Variants in G3BP1 observed in about 807,000 individuals in gnomAD.
The protein encoded by G3BP1 is G3BP stress granule assembly factor 1, also known as ras GTPase-activating protein-binding protein 1.
G3BP1 carries 35 observed loss-of-function variants against 58.6 expected under a neutral mutation model. The ratio of observed to expected loss-of-function variants is 0.60; its 90% CI spans 0.46 to 0.79. The LOEUF (loss-of-function observed/expected upper bound fraction) is 0.79. Ranked by LOEUF, G3BP1 falls within the 30% of genes least tolerant of loss-of-function variation. The pLI, the probability that G3BP1 is intolerant of heterozygous loss-of-function variation, is 0.00. For synonymous variants in G3BP1, 191 were observed against 195.4 expected (o/e 0.98, Z 0.19); for missense variants, 523 against 580.8 (o/e 0.90, Z 1.02).
chr5:151,786,546 CT>C, intron 1 of G3BP1, 25 bp from the exon 2 acceptor site: 1 of 930,610 alleles, frequency 1.1e-6, no homozygotes, highest in Non-Finnish European at 1.8e-6. Flanking sequence ...ATGATTCGGT[CT>C]TTTCCCCTGT....
intron 11 of G3BP1, 58 bp from the exon 12 acceptor site, chr5:151,803,827 T>G: frequency 8.7e-7 from 1 of 1,154,044 alleles, no homozygotes; most frequent in Non-Finnish European, 1.3e-6. Flanking sequence ...TTCTTTATCT[T>G]TGATAGTGAT....
intron 4 of G3BP1, among the ~76,000 whole-genome samples, chr5:151,793,275 A>C (rs1762691321): frequency 6.6e-6 from 1 of 151,912 alleles, no homozygotes; most frequent in South Asian, 2.1e-4. Flanking sequence ...TGCCTGTCTC[A>C]TTTTTGTATT....
At chr5:151,787,792 C>A in intron 2 of G3BP1, 1 of 267,182 alleles carries the variant, frequency 3.7e-6, no homozygotes. Flanking sequence ...ACATGATTAT[C>A]AGGTATAAAA....
In G3BP1 at chr5:151,809,041, G is replaced by A. The variant is rs1268384139; in HGVS notation, c.*4950G>A. 2 of 152,200 alleles carry A rather than the reference G, an allele frequency of 1.3e-5. No individual in the cohort carries two copies. The highest frequency in any genetic ancestry group is 2.9e-5 in the Non-Finnish European group (2 of 68,102). The allele number at this position is 152,200 out of a possible 1,614,324, so 9.4% of individuals were successfully genotyped here. On this transcript the variant is annotated 3_prime_UTR_variant, in exon 12 of 12. Coordinates refer to ENST00000356245, the MANE Select transcript of G3BP1 (RefSeq NM_005754.3). The stretch of plus-strand genomic sequence containing the variant: ...ATAATTGAAAAGTGAGCCAGATGTG[G>A]TGGCGCATTCCTATAGTCTCCGTCT...
In G3BP1 at chr5:151,805,592, T is replaced by G. The variant is rs2113257272; in HGVS notation, c.*1501T>G. 1 of 152,340 alleles carries G rather than the reference T, an allele frequency of 6.6e-6. No individual in the cohort carries two copies. Among genetic ancestry groups the G allele is most frequent in the South Asian group, 2.1e-4 (1 of 4,826 alleles). 9.4% of individuals were successfully genotyped at this position (152,340 alleles called of 1,614,324 possible). ...TTTGGTTTGCATTACTGAGAAACTC[T>G]AGGTTTGCTGTGATGGTTAAGACCA... On this transcript the variant is annotated 3_prime_UTR_variant, in exon 12 of 12. Coordinates refer to ENST00000356245, the MANE Select transcript of G3BP1 (RefSeq NM_005754.3).
chr5:151,795,699 T>C (rs1762737360), intron 6 of G3BP1, 124 bp downstream of exon 6: 1 of 551,022 alleles, frequency 1.8e-6, no homozygotes, highest in African/African-American at 1.9e-5. Context: ...CTCAGAAGAA[T>C]GGTTTTGTTT....
intron 1 of G3BP1, among the ~76,000 whole-genome samples, chr5:151,775,025 C>T (rs867067925): frequency 1.3e-5 from 2 of 152,170 alleles, no homozygotes; most frequent in African/African-American, 2.4e-5. Context: ...AGGAATAATT[C>T]ACACACACGA....
intron 7 of G3BP1, among the ~76,000 whole-genome samples, chr5:151,798,550 C>G (rs974269848): frequency 1.3e-5 from 2 of 152,146 alleles, no homozygotes; most frequent in Non-Finnish European, 2.9e-5. Flanking sequence ...TATGATGATT[C>G]TACAATTGAT....
At position 151,797,502 on chromosome 5, in the gene G3BP1, G is replaced by A. The variant is rs1227994363; in HGVS notation, c.741+74G>A. On this transcript the variant is annotated intron_variant, in intron 7 of 11. Transcript: ENST00000356245. ...AAAAAAGTTTCTGTTCTTTTGTATT[G>A]CTGTTTGGTTGACTTGTAGATACAT... The A allele has an allele frequency of 2.7e-6, 4 of 1,463,136 alleles. No homozygotes were observed. In the African/African-American group the frequency reaches 5.8e-5, roughly 21 times the overall value. The allele number at this position is 1,463,136 out of a possible 1,614,324, so 90.6% of individuals were successfully genotyped here. A position where few individuals can be genotyped will look rare whatever the true frequency, so the allele number is the denominator to read the frequency against.
chr5:151,798,210 C>T (rs1762789364), intron 7 of G3BP1, among the ~76,000 whole-genome samples: 1 of 152,150 alleles, frequency 6.6e-6, no homozygotes, highest in African/African-American at 2.4e-5. Flanking sequence ...ATTAGCTGGG[C>T]ATGGTGGTGC....
At chr5:151,773,150 G>A (rs1453191120) in intron 1 of G3BP1, among the ~76,000 whole-genome samples, 7 of 151,672 alleles carry the variant, frequency 4.6e-5, no homozygotes, top group African/African-American at 1.7e-4. Context: ...GGTTTTAGAC[G>A]TTGAATTTTT....
At chr5:151,777,887 T>C (rs1438552571) in intron 1 of G3BP1, among the ~76,000 whole-genome samples, 26 of 149,402 alleles carry the variant, frequency 1.7e-4, no homozygotes, top group Admixed American at 1.7e-3. Context: ...GTAGATTACT[T>C]TGCGTTTTTT....
In G3BP1 at chr5:151,810,493, C is replaced by CT. The variant is rs1192214427; in HGVS notation, c.*6403dup. Reference sequence around the variant, plus strand: ...CACATTTTCCCTCTTGTTTGAGGTCCTGTTCCAACCTTCATTTCTGAAACT... The same window carrying CT: ...CACATTTTCCCTCTTGTTTGAGGTCCTTGTTCCAACCTTCATTTCTGAAACT... On this transcript the variant is annotated 3_prime_UTR_variant, in exon 12 of 12. Transcript: ENST00000356245. The CT allele has an allele frequency of 1.3e-5, 2 of 152,206 alleles. No homozygotes were observed. Among genetic ancestry groups the CT allele is most frequent in the African/African-American group, 4.8e-5 (2 of 41,456 alleles). 9.4% of individuals were successfully genotyped at this position (152,206 alleles called of 1,614,324 possible).
chr5:151,790,303 A>C lies in G3BP1; in HGVS notation c.96-20A>C, dbSNP rs766953643. On this transcript the variant is annotated intron_variant, in intron 2 of 11. Transcript: ENST00000356245. ...TAAGATACTTGAAGATGACAAGTAA[A>C]TCATCTTCCCATTTTACAGATTTTA... 1 of 1,319,490 alleles carries C rather than the reference A, an allele frequency of 7.6e-7. No individual in the cohort carries two copies. Among genetic ancestry groups the C allele is most frequent in the Non-Finnish European group, 1.1e-6 (1 of 936,260 alleles). The allele number at this position is 1,319,490 out of a possible 1,614,324, so 81.7% of individuals were successfully genotyped here. A position where few individuals can be genotyped will look rare whatever the true frequency, so the allele number is the denominator to read the frequency against.
At chr5:151,780,811 T>A (rs982465703) in intron 1 of G3BP1, among the ~76,000 whole-genome samples, 2 of 152,178 alleles carry the variant, frequency 1.3e-5, no homozygotes, top group Non-Finnish European at 2.9e-5. Flanking sequence ...CGCGCCTGGC[T>A]GATAATGCTC....
Position 151,804,293 on chromosome 5 carries a change from A to G in G3BP1, c.*202A>G, listed in dbSNP as rs1762907338. On this transcript the variant is annotated 3_prime_UTR_variant, in exon 12 of 12. Transcript: ENST00000356245. ...CCTGACCTTTAGTCTTTCACTTCCAATTTTGTGGAATGATATTTTAGGAAT... is the reference window on the plus strand; with the variant it reads ...CCTGACCTTTAGTCTTTCACTTCCAGTTTTGTGGAATGATATTTTAGGAAT... 1 of 396,714 alleles carries G rather than the reference A, an allele frequency of 2.5e-6. No individual in the cohort carries two copies. Among genetic ancestry groups the G allele is most frequent in the East Asian group, 3.6e-5 (1 of 27,568 alleles). 24.6% of individuals were successfully genotyped at this position (396,714 alleles called of 1,614,324 possible). A position where few individuals can be genotyped will look rare whatever the true frequency, so the allele number is the denominator to read the frequency against.
intron 1 of G3BP1, among the ~76,000 whole-genome samples, chr5:151,783,730 T>C (rs1762511808): frequency 6.6e-6 from 1 of 151,982 alleles, no homozygotes; most frequent in African/African-American, 2.4e-5. Context: ...AAACTTTCAG[T>C]GTGTGATCTT....
At chr5:151,778,677 G>A (rs1451241979) in intron 1 of G3BP1, among the ~76,000 whole-genome samples, 2 of 151,972 alleles carry the variant, frequency 1.3e-5, no homozygotes, top group East Asian at 3.9e-4. Flanking sequence ...ACTGACTTCG[G>A]GTGATATGCC....
intron 9 of G3BP1, 35 bp from the exon 10 acceptor site, chr5:151,800,183 C>A: frequency 6.2e-7 from 1 of 1,604,576 alleles, no homozygotes; most frequent in Non-Finnish European, 8.5e-7. Flanking sequence ...TCTTCTTTCT[C>A]TTGTCTTTCA....
Sources: gnomAD v4.1 joint callset for allele counts (sites outside exome capture counted in the v4.1 genomes callset) on GRCh38, gnomAD v4.1.1 for gene constraint, MANE v1.5 for transcripts, NCBI Gene and HGNC (gene_info 2026-07-23, HGNC 2026-07-21) for gene names.